NTRK2: variants seen among roughly 807,000 people sequenced by gnomAD.
The protein encoded by NTRK2 is BDNF/NT-3 growth factors receptor.
A neutral mutation model predicts 94.5 loss-of-function variants in NTRK2; 13 were observed. The observed-to-expected ratio is 0.14, with a 90% CI of 0.09 to 0.22. The LOEUF (loss-of-function observed/expected upper bound fraction) is 0.22. NTRK2 is among the 10% of genes least tolerant of loss of function. The pLI, the probability that NTRK2 is intolerant of heterozygous loss-of-function variation, is 1.00. For missense variants in NTRK2, 639 were observed against 1,071.2 expected (o/e 0.60, Z 5.63); for synonymous variants, 372 against 407.4 (o/e 0.91, Z 1.05).
intron 17 of NTRK2, among the ~76,000 whole-genome samples, chr9:84,995,112 A>C (rs558646761): frequency 6.6e-6 from 1 of 152,290 alleles, no homozygotes; most frequent in African/African-American, 2.4e-5. Flanking sequence ...GGGAAAAGTA[A>C]ATGTTCTCCC....
At chr9:84,884,165 C>T (rs1217404586) in intron 14 of NTRK2, among the ~76,000 whole-genome samples, 1 of 152,168 alleles carries the variant, frequency 6.6e-6, no homozygotes, top group Non-Finnish European at 1.5e-5. Context: ...CTTCAACTTA[C>T]TTTGACATAA....
chr9:84,813,439 T>A, intron 12 of NTRK2: 1 of 1,064,594 alleles, frequency 9.4e-7, no homozygotes, highest in Non-Finnish European at 1.1e-6. Flanking sequence ...TACTTTTGTC[T>A]TAAAACATGA....
In NTRK2 at chr9:84,944,995, C is replaced by A. The variant is rs2078547774; in HGVS notation, c.1765-3467C>A. Among the ~76,000 whole-genome samples, 4 of 152,194 alleles carry A rather than the reference C, an allele frequency of 2.6e-5. No individual in the cohort carries two copies. In the South Asian group the frequency reaches 8.3e-4, roughly 31 times the overall value. ...CTCGAGGGCAGAGCCAGGATTTGAA[C>A]CTGCTTCTTCTGATGCTAAGCTAGA... On this transcript the variant is annotated intron_variant, in intron 15 of 18. Transcript: ENST00000277120.
chr9:84,693,094 A>G (rs1320743922), intron 2 of NTRK2, among the ~76,000 whole-genome samples: 1 of 152,150 alleles, frequency 6.6e-6, no homozygotes, highest in Non-Finnish European at 1.5e-5. Flanking sequence ...GAAATTCAAA[A>G]CTTTTTAAAT....
At chr9:84,999,467 A>G (rs1354628909) in intron 17 of NTRK2, among the ~76,000 whole-genome samples, 1 of 152,200 alleles carries the variant, frequency 6.6e-6, no homozygotes, top group Non-Finnish European at 1.5e-5. Flanking sequence ...TTTCACACTA[A>G]TATTTAATTC....
At chr9:84,926,851 G>GT (rs2077840411) in intron 14 of NTRK2, among the ~76,000 whole-genome samples, 1 of 152,198 alleles carries the variant, frequency 6.6e-6, no homozygotes, top group Admixed American at 6.5e-5. Flanking sequence ...GCCCATAGGT[G>GT]TTTATTTTAA....
intron 15 of NTRK2, among the ~76,000 whole-genome samples, chr9:84,937,140 G>C (rs2078239654): frequency 1.3e-5 from 2 of 152,172 alleles, no homozygotes; most frequent in South Asian, 2.1e-4. Context: ...AATGTCTATA[G>C]TTCAGCCCTG....
rs757253032 is a variant in NTRK2 at position 84,742,789 on chromosome 9, G to GTTTTTTTT, written c.1195+882_1195+889dup. Among the ~76,000 whole-genome samples the GTTTTTTTT allele has an allele frequency of 3.5e-3, 365 of 103,644 alleles. 27 individuals are homozygous for GTTTTTTTT. Among genetic ancestry groups the GTTTTTTTT allele is most frequent in the African/African-American group, 0.013 (327 of 24,834 alleles). The allele number at this position is 103,644 out of a possible 152,430, so 68.0% of individuals were successfully genotyped here. ...AAAGAAACCAAAGTCCATTATATTA[G>GTTTTTTTT]TTTTTTTTTTTTTTTTTTTTTTTTT... On this transcript the variant is annotated intron_variant, in intron 10 of 18. Transcript: ENST00000277120.
At chr9:84,917,615 G>A (rs988249056) in intron 14 of NTRK2, among the ~76,000 whole-genome samples, 11 of 152,152 alleles carry the variant, frequency 7.2e-5, no homozygotes, top group African/African-American at 9.7e-5. Context: ...TGACATTTCC[G>A]TGGTAAAAAG....
chr9:84,862,387 G>A (rs1204599666), intron 13 of NTRK2, among the ~76,000 whole-genome samples: 2 of 152,194 alleles, frequency 1.3e-5, no homozygotes, highest in African/African-American at 4.8e-5. Context: ...ACTCTCCCAT[G>A]ACAGTCCTAT....
chr9:84,795,226 T>A (rs1359056611), intron 12 of NTRK2, among the ~76,000 whole-genome samples: 4 of 152,150 alleles, frequency 2.6e-5, no homozygotes, highest in African/African-American at 9.7e-5. Flanking sequence ...GAAACCTACT[T>A]TGTCCTGCTG....
intron 14 of NTRK2, among the ~76,000 whole-genome samples, chr9:84,922,921 A>C (rs2077614988): frequency 1.3e-5 from 2 of 152,244 alleles, no homozygotes; most frequent in Admixed American, 6.5e-5. Flanking sequence ...CTTTTAAAAT[A>C]AGAGCTCTCA....
intron 6 of NTRK2, among the ~76,000 whole-genome samples, chr9:84,713,285 G>A (rs1237388649): frequency 6.6e-6 from 1 of 151,736 alleles, no homozygotes; most frequent in Non-Finnish European, 1.5e-5. Flanking sequence ...TTTCTTAATT[G>A]TTTGAAAGTG....
At chr9:84,668,918 G>T (rs1014358414), upstream of NTRK2, 1 of 152,156 alleles carries the variant, frequency 6.6e-6, no homozygotes, top group African/African-American at 2.4e-5. Context: ...GCCACACATC[G>T]GACAGGCCAG....
chr9:84,980,786 T>A (rs1827488426), intron 17 of NTRK2, among the ~76,000 whole-genome samples: 1 of 152,234 alleles, frequency 6.6e-6, no homozygotes, highest in South Asian at 2.1e-4. Flanking sequence ...TTGGGTAGCA[T>A]GTCCAAAATG....
At chr9:84,990,604 C>T (rs1384407923) in intron 17 of NTRK2, among the ~76,000 whole-genome samples, 1 of 152,152 alleles carries the variant, frequency 6.6e-6, no homozygotes, top group Non-Finnish European at 1.5e-5. Context: ...CTGTCAGAAA[C>T]ATTGTGGTCA....
chr9:84,752,965 T>G (rs1395987225), intron 12 of NTRK2, among the ~76,000 whole-genome samples: 1 of 152,206 alleles, frequency 6.6e-6, no homozygotes, highest in Admixed American at 6.5e-5. Context: ...CTGTATGGTC[T>G]GTTAGAATTA....
chr9:84,730,612 C>T (rs1055932286), intron 9 of NTRK2, among the ~76,000 whole-genome samples: 11 of 140,312 alleles, frequency 7.8e-5, no homozygotes, highest in Admixed American at 1.4e-4. Flanking sequence ...TGGTAGCGGG[C>T]GCCTGTAGTC....
At chr9:84,767,236 T>C (rs1490260820) in intron 12 of NTRK2, among the ~76,000 whole-genome samples, 1 of 152,192 alleles carries the variant, frequency 6.6e-6, no homozygotes, top group African/African-American at 2.4e-5. Context: ...GGGAGAAAAA[T>C]GACACTGAAA....
Sources: gnomAD v4.1 joint callset for allele counts (sites outside exome capture counted in the v4.1 genomes callset) on GRCh38, gnomAD v4.1.1 for gene constraint, MANE v1.5 for transcripts, NCBI Gene and HGNC (gene_info 2026-07-23, HGNC 2026-07-21) for gene names.